The following IGFBP7 variants were observed in gnomAD, a reference collection of about 807,000 sequenced individuals.
IGFBP7 encodes the protein insulin like growth factor binding protein 7.
Under a neutral mutation model 29.4 loss-of-function variants are expected in IGFBP7, and 31 were observed. The ratio of observed to expected loss-of-function variants is 1.05; its 90% CI spans 0.79 to 1.42. IGFBP7 has a LOEUF of 1.42. Among genes scored for constraint, IGFBP7 ranks in the 40% most tolerant of loss-of-function variants. The pLI is 0.00. For synonymous variants in IGFBP7, 172 were observed against 174.9 expected, an observed-to-expected ratio of 0.98 and a Z score of 0.13; for missense variants, 393 against 395.5, an observed-to-expected ratio of 0.99 and a Z score of 0.05.
intron 1 of IGFBP7, among the ~76,000 whole-genome samples, chr4:57,079,524 C>T (rs2109784757): frequency 6.6e-6 from 1 of 152,286 alleles, no homozygotes; most frequent in African/African-American, 2.4e-5. Context: ...AGAATAATTA[C>T]CCTGGCACTC....
rs979592409 is a variant in IGFBP7 at position 57,092,489 on chromosome 4, G to T, written c.475+17388C>A. ...CTAGGATGCAGGTACAACTCTCAATGGTCTCTATGCCATTGAAGATGAGCA... is the reference window on the plus strand; with the variant it reads ...CTAGGATGCAGGTACAACTCTCAATTGTCTCTATGCCATTGAAGATGAGCA... On this transcript the variant is annotated intron_variant, in intron 1 of 4. Coordinates refer to ENST00000295666, the MANE Select transcript of IGFBP7 (RefSeq NM_001553.3). 2.0e-5 allele frequency among the ~76,000 whole-genome samples: 3 copies of T among 151,998 alleles called. No homozygotes were observed. In the East Asian group the frequency reaches 5.8e-4, roughly 29 times the overall value.
At chr4:57,032,781 A>G (rs1231227124) in intron 3 of IGFBP7, among the ~76,000 whole-genome samples, 2 of 152,244 alleles carry the variant, frequency 1.3e-5, no homozygotes, top group African/African-American at 4.8e-5. Context: ...ATCATACTGC[A>G]TAGGTTAAAA....
At chr4:57,034,049 CA>C (rs35304758) in intron 2 of IGFBP7, among the ~76,000 whole-genome samples, 2,103 of 96,406 alleles carry the variant, frequency 0.022, 11 homozygotes, top group Middle Eastern at 0.044. Flanking sequence ...GACTCCATCT[CA>C]AAAAAAAAAA....
intron 4 of IGFBP7, among the ~76,000 whole-genome samples, chr4:57,031,875 A>G (rs1037265199): frequency 1.3e-5 from 2 of 152,200 alleles, no homozygotes; most frequent in African/African-American, 4.8e-5. Flanking sequence ...CTTTTGTCTA[A>G]GGGAAAGCCA....
intron 1 of IGFBP7, among the ~76,000 whole-genome samples, chr4:57,060,551 C>T (rs904014032): frequency 5.3e-5 from 8 of 152,126 alleles, no homozygotes; most frequent in African/African-American, 1.2e-4. Flanking sequence ...CTTACTCAGG[C>T]ACCAGTTACC....
At chr4:57,069,386 G>A (rs959395009) in intron 1 of IGFBP7, among the ~76,000 whole-genome samples, 3 of 151,994 alleles carry the variant, frequency 2.0e-5, no homozygotes, top group African/African-American at 4.8e-5. Context: ...CCAGATGTTC[G>A]AGACCAGCCT....
intron 2 of IGFBP7, among the ~76,000 whole-genome samples, chr4:57,037,512 G>A (rs2109739286): frequency 6.6e-6 from 1 of 151,874 alleles, no homozygotes; most frequent in East Asian, 1.9e-4. Flanking sequence ...AGTGGCTAGG[G>A]ACTACAGGTG....
intron 1 of IGFBP7, among the ~76,000 whole-genome samples, chr4:57,052,234 G>A (rs1724521847): frequency 6.6e-6 from 1 of 152,208 alleles, no homozygotes; most frequent in Non-Finnish European, 1.5e-5. Flanking sequence ...CCCAGTAACT[G>A]ACTGGATGTA....
At chr4:57,073,737 G>A (rs1428587954) in intron 1 of IGFBP7, among the ~76,000 whole-genome samples, 1 of 152,180 alleles carries the variant, frequency 6.6e-6, no homozygotes, top group African/African-American at 2.4e-5. Flanking sequence ...TACAGTTACA[G>A]GCCAGGCTAC....
chr4:57,040,064 A>C (rs537043807), intron 2 of IGFBP7, among the ~76,000 whole-genome samples: 11 of 151,548 alleles, frequency 7.3e-5, no homozygotes, highest in Non-Finnish European at 1.6e-4. Context: ...TTTCTTTGCT[A>C]TTCCTCCTCT....
At chr4:57,044,699 G>A (rs1401164039) in intron 1 of IGFBP7, among the ~76,000 whole-genome samples, 1 of 151,696 alleles carries the variant, frequency 6.6e-6, no homozygotes, top group Admixed American at 6.6e-5. Context: ...TGGACTCTCT[G>A]TTCTTTTCCA....
intron 1 of IGFBP7, among the ~76,000 whole-genome samples, chr4:57,053,352 G>C (rs747154301): frequency 2.0e-5 from 3 of 151,698 alleles, no homozygotes; most frequent in Non-Finnish European, 2.9e-5. Flanking sequence ...CCCCTTCCTT[G>C]TATGGGTCTA....
chr4:57,083,792 C>T (rs1410366303), intron 1 of IGFBP7, among the ~76,000 whole-genome samples: 12 of 152,144 alleles, frequency 7.9e-5, no homozygotes, highest in Admixed American at 1.3e-4. Context: ...AATCCTTTCT[C>T]TTATGGTTTC....
At chr4:57,109,294 C>T (rs1726112501) in intron 1 of IGFBP7, among the ~76,000 whole-genome samples, 1 of 151,986 alleles carries the variant, frequency 6.6e-6, no homozygotes, top group Non-Finnish European at 1.5e-5. Flanking sequence ...CAAAAATTGG[C>T]CAGGCGTGGT....
chr4:57,058,097 A>AT (rs1414628309), intron 1 of IGFBP7, among the ~76,000 whole-genome samples: 4 of 151,532 alleles, frequency 2.6e-5, no homozygotes, highest in South Asian at 2.1e-4. Flanking sequence ...GTCGTGGGTA[A>AT]TTTTTTTTAA....
chr4:57,079,266 G>A (rs1725304501), intron 1 of IGFBP7, among the ~76,000 whole-genome samples: 1 of 151,982 alleles, frequency 6.6e-6, no homozygotes, highest in Admixed American at 6.6e-5. Context: ...CAAATTGCAG[G>A]TGATACGTGG....
chr4:57,079,517 A>G (rs1725311423), intron 1 of IGFBP7, among the ~76,000 whole-genome samples: 1 of 152,264 alleles, frequency 6.6e-6, no homozygotes, highest in Admixed American at 6.5e-5. Context: ...AATTGACAGA[A>G]TAATTACCCT....
chr4:57,085,296 AC>A (rs1362381355), intron 1 of IGFBP7, among the ~76,000 whole-genome samples: 15 of 150,720 alleles, frequency 1.0e-4, no homozygotes, highest in Admixed American at 3.3e-4. Flanking sequence ...TTCTTCAGTG[AC>A]TCCTGTTATC....
rs1723957264 is a variant in IGFBP7, at chr4:57,032,495, G to A, written c.760C>T (p.Gln254Ter). 6.2e-7 allele frequency: 1 copy of A among 1,613,972 alleles called. No homozygotes were observed. Among genetic ancestry groups the A allele is most frequent in the Non-Finnish European group, 8.5e-7 (1 of 1,179,912 alleles). The stretch of plus-strand genomic sequence containing the variant: ...TTTGCTGATGCTGAAGCCTGTCCTT[G>A]GGAATTGGATGCATGGCACTCATAT... ...GEYECHASNS[Q>*]GQASASAKIT... The change falls in exon 4 of 5, where the codon CAA becomes TAA. Residue 254 changes from glutamine (Q) to a stop codon, truncating the protein, a stop_gained. Coordinates refer to ENST00000295666, the MANE Select transcript of IGFBP7 (RefSeq NM_001553.3). LOFTEE classifies it high-confidence loss of function.
Sources: gnomAD v4.1 joint callset for allele counts (sites outside exome capture counted in the v4.1 genomes callset) on GRCh38, gnomAD v4.1.1 for gene constraint, MANE v1.5 for transcripts, NCBI Gene and HGNC (gene_info 2026-07-23, HGNC 2026-07-21) for gene names.